Variants in RBFOX1 observed in about 807,000 individuals in gnomAD.
RBFOX1 encodes RNA binding protein fox-1 homolog 1.
A neutral mutation model predicts 57.7 loss-of-function variants in RBFOX1; 8 were observed. The observed-to-expected ratio is 0.14, with a 90% CI of 0.08 to 0.25. RBFOX1 has a LOEUF of 0.25. Ranked by LOEUF, RBFOX1 falls within the 10% of genes least tolerant of loss-of-function variation. The pLI is 1.00. For synonymous variants in RBFOX1, 326 were observed against 222.4 expected, an observed-to-expected ratio of 1.47 and a Z score of -4.15; for missense variants, 611 against 548.5, an observed-to-expected ratio of 1.11 and a Z score of -1.14.
chr16:6,333,804 C>G (rs574338072), intron 2 of RBFOX1, among the ~76,000 whole-genome samples: 3 of 152,234 alleles, frequency 2.0e-5, no homozygotes, highest in East Asian at 1.9e-4. Context: ...TACTTGTCAT[C>G]TGTCAGATTT....
intron 3 of RBFOX1, among the ~76,000 whole-genome samples, chr16:5,842,450 G>A (rs139632499): frequency 1.4e-4 from 21 of 152,262 alleles, no homozygotes; most frequent in Admixed American, 2.6e-4. Context: ...TCATTCATTT[G>A]TAGGCAAGCA....
intron 3 of RBFOX1, among the ~76,000 whole-genome samples, chr16:6,899,343 A>G (rs2067877919): frequency 6.6e-6 from 1 of 152,094 alleles, no homozygotes; most frequent in East Asian, 1.9e-4. Flanking sequence ...TCCATTTTCT[A>G]TTTAGCATCA....
chr16:7,493,502 G>C (rs2067603229), intron 4 of RBFOX1, among the ~76,000 whole-genome samples: 1 of 152,182 alleles, frequency 6.6e-6, no homozygotes, highest in Non-Finnish European at 1.5e-5. Context: ...TTTTGAATTG[G>C]AGAGATTATT....
At chr16:5,292,503 G>C (rs2063559325) in intron 1 of RBFOX1, among the ~76,000 whole-genome samples, 1 of 152,096 alleles carries the variant, frequency 6.6e-6, no homozygotes, top group African/African-American at 2.4e-5. Flanking sequence ...TTTCCTTTGA[G>C]TGACACAACC....
chr16:7,105,917 A>G (rs996511818), intron 4 of RBFOX1, among the ~76,000 whole-genome samples: 4 of 152,122 alleles, frequency 2.6e-5, no homozygotes, highest in South Asian at 2.1e-4. Context: ...TACGTAGACA[A>G]TAGATGCTAA....
chr16:5,309,431 T>C (rs925347857), intron 1 of RBFOX1, among the ~76,000 whole-genome samples: 3 of 152,192 alleles, frequency 2.0e-5, no homozygotes, highest in Non-Finnish European at 4.4e-5. Flanking sequence ...CAAAGTTGAT[T>C]GATCCTGAAG....
intron 9 of RBFOX1, 122 bp from the exon 10 acceptor site, chr16:7,607,163 C>A (rs147602293): frequency 2.4e-6 from 2 of 823,724 alleles, no homozygotes; most frequent in Non-Finnish European, 3.7e-6. Context: ...CCAAACGACA[C>A]CTCCTTTACA....
intron 3 of RBFOX1, among the ~76,000 whole-genome samples, chr16:6,960,078 G>A (rs1445146889): frequency 6.6e-6 from 1 of 152,072 alleles, no homozygotes; most frequent in Non-Finnish European, 1.5e-5. Context: ...TTCTTAACAG[G>A]ACCCATTTAG....
intron 3 of RBFOX1, among the ~76,000 whole-genome samples, chr16:6,791,066 C>G (rs1419380991): frequency 3.3e-5 from 5 of 152,000 alleles, no homozygotes; most frequent in African/African-American, 9.7e-5. Context: ...ACCACAATAC[C>G]TGACTAATTT....
rs57024936 is a variant in RBFOX1, at chr16:6,718,366, A to G, written c.-16+63716A>G. ...TATTTTAGTGGGAGAGATAGATGAT[A>G]AGGAAGTAACTCTAGCTGAAAAATA... On this transcript the variant is annotated intron_variant, in intron 3 of 15. Coordinates refer to ENST00000550418, the MANE Select transcript of RBFOX1 (RefSeq NM_018723.4). Among the ~76,000 whole-genome samples the G allele has an allele frequency of 4.8e-3, 726 of 152,294 alleles. 5 individuals are homozygous for G. The highest frequency in any genetic ancestry group is 0.016 in the African/African-American group (665 of 41,570).
intron 3 of RBFOX1, among the ~76,000 whole-genome samples, chr16:5,832,417 T>C (rs1333057267): frequency 3.3e-5 from 5 of 152,260 alleles, no homozygotes; most frequent in Admixed American, 6.5e-5. Context: ...TGTGTGATCT[T>C]GGGATCGTTA....
intron 2 of RBFOX1, among the ~76,000 whole-genome samples, chr16:6,534,777 C>T (rs2096712652): frequency 6.6e-6 from 1 of 152,118 alleles, no homozygotes; most frequent in South Asian, 2.1e-4. Flanking sequence ...TGCACTTTGA[C>T]TGGGGTACTG....
At chr16:5,711,999 A>G (rs2051504258) in intron 3 of RBFOX1, among the ~76,000 whole-genome samples, 1 of 152,238 alleles carries the variant, frequency 6.6e-6, no homozygotes, top group South Asian at 2.1e-4. Flanking sequence ...ATAGTTCCTC[A>G]TGGCTGGGAA....
intron 2 of RBFOX1, among the ~76,000 whole-genome samples, chr16:5,471,971 C>A (rs2151622600): frequency 6.6e-6 from 1 of 152,252 alleles, no homozygotes; most frequent in Admixed American, 6.5e-5. Context: ...TGTGTCACCT[C>A]CCCGACAGAT....
chr16:6,872,028 TTGTG>T (rs1181177243), intron 3 of RBFOX1, among the ~76,000 whole-genome samples: 1 of 151,016 alleles, frequency 6.6e-6, no homozygotes, highest in Non-Finnish European at 1.5e-5. Flanking sequence ...TTCATTATGA[TTGTG>T]TGTAGGTATC....
chr16:7,378,287 A>T (rs1015333676), intron 4 of RBFOX1, among the ~76,000 whole-genome samples: 2 of 152,154 alleles, frequency 1.3e-5, no homozygotes, highest in African/African-American at 2.4e-5. Context: ...TCGGGAGGCA[A>T]GGGAAACGTA....
chr16:7,040,451 T>A (rs1437160845), intron 3 of RBFOX1, among the ~76,000 whole-genome samples: 2 of 152,202 alleles, frequency 1.3e-5, no homozygotes, highest in African/African-American at 4.8e-5. Context: ...ATTATATTAT[T>A]ATTGCTGCTC....
intron 4 of RBFOX1, among the ~76,000 whole-genome samples, chr16:5,999,564 G>A (rs868186962): frequency 1.3e-5 from 2 of 152,162 alleles, no homozygotes; most frequent in African/African-American, 4.8e-5. Flanking sequence ...AGGGTTGGCC[G>A]GGCGCCGCTG....
chr16:7,053,308 A>C (rs1255669089), intron 4 of RBFOX1, among the ~76,000 whole-genome samples: 1 of 152,148 alleles, frequency 6.6e-6, no homozygotes, highest in Non-Finnish European at 1.5e-5. Flanking sequence ...ACTTTCCTCC[A>C]AGTACCTGTG....
Sources: allele counts gnomAD v4.1 joint callset (sites outside exome capture counted in the v4.1 genomes callset), GRCh38; gene constraint gnomAD v4.1.1; transcripts MANE v1.5; gene names NCBI Gene and HGNC (gene_info 2026-07-23, HGNC 2026-07-21).